The following INPP4B variants were observed in gnomAD, a reference collection of about 807,000 sequenced individuals.
INPP4B encodes the protein inositol polyphosphate 4-phosphatase type II.
A neutral mutation model predicts 122.5 loss-of-function variants in INPP4B; 55 were observed. The observed-to-expected ratio is 0.45, with a 90% confidence interval of 0.36 to 0.56. INPP4B has a LOEUF of 0.56. INPP4B is among the 20% of genes least tolerant of loss of function. The pLI is 0.00. For synonymous variants in INPP4B, 403 were observed against 388.7 expected (o/e 1.04, Z -0.43); for missense variants, 1,000 against 1,097.7 (o/e 0.91, Z 1.26).
chr4:142,309,965 A>G (rs1764854945), intron 8 of INPP4B, among the ~76,000 whole-genome samples: 2 of 152,120 alleles, frequency 1.3e-5, no homozygotes, highest in Non-Finnish European at 1.5e-5. Context: ...AGATATCCAG[A>G]CTGCTCACTA....
chr4:142,564,451 AAAAGAAAGAAAG>A (rs35888532), intron 2 of INPP4B, among the ~76,000 whole-genome samples: 3,869 of 131,536 alleles, frequency 0.029, 89 homozygotes, highest in Middle Eastern at 0.077. Flanking sequence ...AAAAAAAAAA[AAAAGAAAGAAAG>A]AAAGAAAGAA....
chr4:142,737,712 A>G (rs1432930316), intron 1 of INPP4B, among the ~76,000 whole-genome samples: 1 of 152,220 alleles, frequency 6.6e-6, no homozygotes, highest in Admixed American at 6.5e-5. Context: ...CAATCTACTC[A>G]TCTGACAAAG....
At chr4:142,196,519 T>C (rs1443714348) in intron 14 of INPP4B, among the ~76,000 whole-genome samples, 1 of 152,138 alleles carries the variant, frequency 6.6e-6, no homozygotes, top group Non-Finnish European at 1.5e-5. Context: ...TCCCTCATCA[T>C]TATATCTCAC....
chr4:142,684,985 A>T (rs2150698182), intron 2 of INPP4B, among the ~76,000 whole-genome samples: 1 of 152,208 alleles, frequency 6.6e-6, no homozygotes, highest in East Asian at 1.9e-4. Flanking sequence ...CATATGTGTG[A>T]CTTTGAACAT....
intron 2 of INPP4B, among the ~76,000 whole-genome samples, chr4:142,537,429 T>TATATATATATAGAAAGAG (rs1200701380): frequency 3.9e-5 from 1 of 25,458 alleles, no homozygotes; most frequent in Non-Finnish European, 9.2e-5. Flanking sequence ...TATATATATA[T>TATATATATATAGAAAGAG]AGAGAGAGAG....
At chr4:142,764,220 G>A (rs910075716) in intron 1 of INPP4B, among the ~76,000 whole-genome samples, 13 of 151,960 alleles carry the variant, frequency 8.6e-5, no homozygotes, top group Admixed American at 3.3e-4. Flanking sequence ...TCTGTACTTC[G>A]TAAGTAAAAA....
At chr4:142,320,499 C>G (rs540317836) in intron 7 of INPP4B, among the ~76,000 whole-genome samples, 1 of 152,042 alleles carries the variant, frequency 6.6e-6, no homozygotes, top group African/African-American at 2.4e-5. Flanking sequence ...TTAGATCCTC[C>G]GTTCTTTTTA....
intron 2 of INPP4B, among the ~76,000 whole-genome samples, chr4:142,695,574 A>C (rs2150739432): frequency 6.6e-6 from 1 of 152,296 alleles, no homozygotes; most frequent in Admixed American, 6.5e-5. Context: ...TTTTTAAAAT[A>C]CTATGCATAA....
chr4:142,704,640 C>T (rs1457174962), intron 2 of INPP4B, among the ~76,000 whole-genome samples: 1 of 152,170 alleles, frequency 6.6e-6, no homozygotes, highest in African/African-American at 2.4e-5. Flanking sequence ...TTCCCAATTG[C>T]TCAAAGATCG....
At chr4:142,365,531 C>T (rs1787124895) in intron 7 of INPP4B, among the ~76,000 whole-genome samples, 1 of 152,094 alleles carries the variant, frequency 6.6e-6, no homozygotes, top group African/African-American at 2.4e-5. Flanking sequence ...CAGATGTGGG[C>T]AATGCACATT....
At chr4:142,490,582 C>T (rs1427986279) in intron 2 of INPP4B, among the ~76,000 whole-genome samples, 3 of 151,966 alleles carry the variant, frequency 2.0e-5, no homozygotes, top group Non-Finnish European at 4.4e-5. Context: ...ATAATTTTAG[C>T]AATTTTCAAG....
At chr4:142,204,053 C>A (rs1579278072) in intron 14 of INPP4B, among the ~76,000 whole-genome samples, 1 of 152,140 alleles carries the variant, frequency 6.6e-6, no homozygotes, top group South Asian at 2.1e-4. Context: ...CCACCTATGA[C>A]AACTTTTAAC....
intron 2 of INPP4B, among the ~76,000 whole-genome samples, chr4:142,628,458 T>C (rs1435023870): frequency 8.3e-6 from 1 of 120,264 alleles, no homozygotes; most frequent in African/African-American, 3.0e-5. Context: ...TATACCTAAA[T>C]GCTAGATGAC....
chr4:142,775,719 T>TA (rs1012189742), intron 1 of INPP4B, among the ~76,000 whole-genome samples: 1 of 152,116 alleles, frequency 6.6e-6, no homozygotes, highest in Admixed American at 6.6e-5. Context: ...TATGTCCATT[T>TA]AAAAAATCAG....
At chr4:142,830,872 A>T (rs80249365) in intron 1 of INPP4B, among the ~76,000 whole-genome samples, 1 of 141,548 alleles carries the variant, frequency 7.1e-6, no homozygotes, top group African/African-American at 2.7e-5. Flanking sequence ...AAAAAAAAAA[A>T]TTATCCAGGT....
At chr4:142,778,459 A>C (rs146491904) in intron 1 of INPP4B, among the ~76,000 whole-genome samples, 191 of 152,322 alleles carry the variant, frequency 1.3e-3, no homozygotes, top group African/African-American at 4.5e-3. Context: ...CAAGTTACAT[A>C]AAGTTTTATA....
intron 18 of INPP4B, among the ~76,000 whole-genome samples, chr4:142,127,533 A>G (rs985306395): frequency 1.3e-5 from 2 of 152,070 alleles, no homozygotes; most frequent in Admixed American, 6.6e-5. Context: ...AACCCAGGAT[A>G]AAAGGAACAC....
chr4:142,162,350 T>C lies in INPP4B; in HGVS notation c.1360-1789A>G, dbSNP rs112764590. Among the ~76,000 whole-genome samples, 365 of 151,770 alleles carry C rather than the reference T, an allele frequency of 2.4e-3. 3 individuals are homozygous for C. Among genetic ancestry groups the C allele is most frequent in the Non-Finnish European group, 3.7e-3 (252 of 67,856 alleles). ...ACTGATGGAAAAATTGGCTAGACAG[T>C]ACTCAAACAAGTCAGTGTAGTCATA... On this transcript the variant is annotated intron_variant, in intron 16 of 25. Coordinates refer to ENST00000262992, the MANE Select transcript of INPP4B (RefSeq NM_001101669.3).
intron 14 of INPP4B, among the ~76,000 whole-genome samples, chr4:142,200,443 C>G (rs1840157690): frequency 6.6e-6 from 1 of 151,986 alleles, no homozygotes; most frequent in African/African-American, 2.4e-5. Context: ...ATGCTCACTG[C>G]TACTATGGTG....
Sources: gnomAD v4.1 joint callset for allele counts (sites outside exome capture counted in the v4.1 genomes callset) on GRCh38, gnomAD v4.1.1 for gene constraint, MANE v1.5 for transcripts, NCBI Gene and HGNC (gene_info 2026-07-23, HGNC 2026-07-21) for gene names.